Variants in B3GALT1 observed in about 807,000 individuals in gnomAD.
The protein encoded by B3GALT1 is UDP-Gal:betaGlcNAc beta 1,3-galactosyltransferase, polypeptide 1.
In B3GALT1, 10 loss-of-function variants were observed where a neutral mutation model predicts 23.2. The ratio of observed to expected loss-of-function variants is 0.43; its 90% CI spans 0.27 to 0.73. The LOEUF (loss-of-function observed/expected upper bound fraction) is 0.73. B3GALT1 is among the 30% of genes least tolerant of loss of function. The pLI is 0.21. For synonymous variants in B3GALT1, 156 were observed against 141.5 expected (o/e 1.10, Z -0.73); for missense variants, 299 against 405.4 (o/e 0.74, Z 2.25).
chr2:167,507,635 C>T (rs1259441921), intron 2 of B3GALT1, among the ~76,000 whole-genome samples: 1 of 149,922 alleles, frequency 6.7e-6, no homozygotes, highest in African/African-American at 2.5e-5. Flanking sequence ...GGGAAAATTA[C>T]ACTAATATAT....
At chr2:167,354,653 T>C (rs1401625213) in intron 1 of B3GALT1, among the ~76,000 whole-genome samples, 1 of 152,090 alleles carries the variant, frequency 6.6e-6, no homozygotes, top group African/African-American at 2.4e-5. Flanking sequence ...CCAAATCTCT[T>C]ATGTCTGTTT....
At chr2:167,358,544 TAATG>T (rs1325486704) in intron 1 of B3GALT1, among the ~76,000 whole-genome samples, 1 of 152,156 alleles carries the variant, frequency 6.6e-6, no homozygotes, top group Non-Finnish European at 1.5e-5. Flanking sequence ...TTTTTAGTAA[TAATG>T]AACTTTTTTT....
intron 4 of B3GALT1, among the ~76,000 whole-genome samples, chr2:167,830,816 T>C (rs1689333372): frequency 6.6e-6 from 1 of 152,226 alleles, no homozygotes. Context: ...GTCTAATTCA[T>C]TGGTTGACTG....
chr2:167,346,360 T>C (rs1365019843), intron 1 of B3GALT1, among the ~76,000 whole-genome samples: 1 of 152,204 alleles, frequency 6.6e-6, no homozygotes, highest in Admixed American at 6.5e-5. Flanking sequence ...TATATCTATT[T>C]ACAGTATATA....
intron 1 of B3GALT1, among the ~76,000 whole-genome samples, chr2:167,480,981 CT>C (rs922400779): frequency 6.6e-6 from 1 of 152,178 alleles, no homozygotes; most frequent in African/African-American, 2.4e-5. Context: ...GCCTTGAACC[CT>C]TTGCTCCCAG....
intron 1 of B3GALT1, among the ~76,000 whole-genome samples, chr2:167,470,706 T>A (rs1399062516): frequency 6.6e-6 from 1 of 152,204 alleles, no homozygotes; most frequent in Non-Finnish European, 1.5e-5. Flanking sequence ...CCATTCACTC[T>A]GTTTAAAATG....
chr2:167,436,566 A>C (rs998512506), intron 1 of B3GALT1, among the ~76,000 whole-genome samples: 6 of 152,166 alleles, frequency 3.9e-5, no homozygotes, highest in Non-Finnish European at 7.3e-5. Flanking sequence ...TGTTTATTAC[A>C]TGCCTCTCTC....
intron 1 of B3GALT1, among the ~76,000 whole-genome samples, chr2:167,426,246 T>C (rs1412775191): frequency 4.6e-5 from 7 of 152,038 alleles, no homozygotes; most frequent in Admixed American, 1.3e-4. Flanking sequence ...AATTTGAAAC[T>C]TGAGGGGCAT....
chr2:167,727,389 T>C (rs1558960870), intron 3 of B3GALT1, among the ~76,000 whole-genome samples: 1 of 152,166 alleles, frequency 6.6e-6, no homozygotes. Flanking sequence ...CTGAATTTAA[T>C]CACATATAAG....
At chr2:167,384,969 C>T (rs367861133) in intron 1 of B3GALT1, among the ~76,000 whole-genome samples, 4 of 152,120 alleles carry the variant, frequency 2.6e-5, no homozygotes, top group Non-Finnish European at 5.9e-5. Flanking sequence ...TCCTCAGTCT[C>T]CTCCCACCAC....
chr2:167,618,352 T>C (rs1473254370), intron 2 of B3GALT1, among the ~76,000 whole-genome samples: 1 of 152,064 alleles, frequency 6.6e-6, no homozygotes, highest in African/African-American at 2.4e-5. Flanking sequence ...ATTTCATCCA[T>C]AGTACTCAAC....
At chr2:167,788,072 AGAG>A (rs1688372299) in intron 3 of B3GALT1, among the ~76,000 whole-genome samples, 2 of 152,112 alleles carry the variant, frequency 1.3e-5, no homozygotes, top group Admixed American at 1.3e-4. Flanking sequence ...GGTATACTGG[AGAG>A]GAGAAGAGAA....
At chr2:167,348,989 C>T (rs979214057) in intron 1 of B3GALT1, among the ~76,000 whole-genome samples, 2 of 151,854 alleles carry the variant, frequency 1.3e-5, no homozygotes, top group African/African-American at 2.4e-5. Flanking sequence ...GGAGGCACAC[C>T]GTATATATTT....
At chr2:167,480,096 T>C (rs149680049) in intron 1 of B3GALT1, among the ~76,000 whole-genome samples, 3 of 152,218 alleles carry the variant, frequency 2.0e-5, no homozygotes, top group Non-Finnish European at 2.9e-5. Context: ...ATGTTAACTA[T>C]AGGAGCAGTT....
rs181550090 is a variant in B3GALT1, at chr2:167,376,711, C to T, written c.-511+83377C>T. Among the ~76,000 whole-genome samples, 7 of 151,884 alleles carry T rather than the reference C, an allele frequency of 4.6e-5. No homozygotes were observed. In the East Asian group the frequency reaches 1.4e-3, roughly 29 times the overall value. On this transcript the variant is annotated intron_variant, in intron 1 of 4. Coordinates refer to ENST00000392690, the MANE Select transcript of B3GALT1 (RefSeq NM_020981.4). The stretch of plus-strand genomic sequence containing the variant: ...ATCACCTTTGTCATTTCTGATTGTG[C>T]CTATTTGGATCTTCTCTTTTTTTTA...
chr2:167,660,418 A>G (rs1686036115), intron 3 of B3GALT1, among the ~76,000 whole-genome samples: 1 of 152,122 alleles, frequency 6.6e-6, no homozygotes, highest in African/African-American at 2.4e-5. Flanking sequence ...AAGTTCAAAG[A>G]TGATTCAGTA....
chr2:167,714,526 G>A (rs1316961318), intron 3 of B3GALT1: 21 of 1,612,418 alleles, frequency 1.3e-5, no homozygotes, highest in Non-Finnish European at 1.8e-5. Flanking sequence ...AACGCTCTCT[G>A]CCAAATGTTG....
At chr2:167,794,746 A>G (rs1296995526) in intron 3 of B3GALT1, among the ~76,000 whole-genome samples, 4 of 152,196 alleles carry the variant, frequency 2.6e-5, no homozygotes, top group South Asian at 2.1e-4. Flanking sequence ...TTAGTTTGGA[A>G]TGCACTAATG....
intron 3 of B3GALT1, among the ~76,000 whole-genome samples, chr2:167,760,913 T>G (rs1425245679): frequency 6.6e-6 from 1 of 152,230 alleles, no homozygotes; most frequent in East Asian, 1.9e-4. Flanking sequence ...ATAACATTTT[T>G]ACTATATGCA....
Sources: allele counts gnomAD v4.1 joint callset (sites outside exome capture counted in the v4.1 genomes callset), GRCh38; gene constraint gnomAD v4.1.1; transcripts MANE v1.5; gene names NCBI Gene and HGNC (gene_info 2026-07-23, HGNC 2026-07-21).